Variants in TMEM184B observed in about 807,000 individuals in gnomAD.
The protein encoded by TMEM184B is transmembrane protein 184B.
In TMEM184B, 17 loss-of-function variants were observed where a neutral mutation model predicts 41.8. The observed-to-expected ratio is 0.41, with a 90% confidence interval of 0.28 to 0.61. The LOEUF is 0.61. Ranked by LOEUF, TMEM184B falls within the 20% of genes least tolerant of loss-of-function variation. The pLI is 0.34. For missense variants in TMEM184B, 393 were observed against 557.8 expected (o/e 0.70, Z 2.98); for synonymous variants, 240 against 229.5 (o/e 1.05, Z -0.41).
intron 8 of TMEM184B, chr22:38,222,542 G>A: frequency 1.0e-6 from 1 of 971,088 alleles, no homozygotes; most frequent in Non-Finnish European, 1.2e-6. Context: ...CGGTGGGGAG[G>A]AGATGAGGAC....
At chr22:38,265,309 C>T (rs1194178974) in intron 1 of TMEM184B, among the ~76,000 whole-genome samples, 1 of 152,202 alleles carries the variant, frequency 6.6e-6, no homozygotes, top group East Asian at 1.9e-4. Context: ...AGCTCACCCC[C>T]AGGCAGAGCC....
At position 38,226,934 on chromosome 22, in the gene TMEM184B, C is replaced by G; in HGVS notation, c.526-64G>C. 1 of 1,498,166 alleles carries G rather than the reference C, an allele frequency of 6.7e-7. No homozygotes were observed. 92.8% of individuals were successfully genotyped at this position (1,498,166 alleles called of 1,614,324 possible). A position where few individuals can be genotyped will look rare whatever the true frequency, so the allele number is the denominator to read the frequency against. On this transcript the variant is annotated intron_variant, in intron 5 of 8. Transcript: ENST00000361906. The surrounding 1 kb of genome is among the most constrained non-coding windows in gnomAD (Gnocchi z 4.6). ...CACAGAAGGCATGAAGCAAGCCCTG[C>G]CTCTGGCAGACGGAACTGTACCGGA... is the stretch of plus-strand genomic sequence containing the variant.
At chr22:38,268,374 CAA>C (rs34786032) in intron 1 of TMEM184B, among the ~76,000 whole-genome samples, 40 of 121,660 alleles carry the variant, frequency 3.3e-4, no homozygotes, top group Admixed American at 3.3e-4. Flanking sequence ...GACCCTGTCT[CAA>C]AAAAAAAAAA....
intron 1 of TMEM184B, among the ~76,000 whole-genome samples, chr22:38,270,796 C>T (rs759125300): frequency 2.6e-5 from 4 of 152,186 alleles, no homozygotes; most frequent in African/African-American, 7.2e-5. Context: ...AGGGAATTTA[C>T]AGAGAGAAAA....
Position 38,219,948 on chromosome 22 carries a change from C to A in TMEM184B, c.*1521G>T, listed in dbSNP as rs1052492114. 3.0e-6 allele frequency: 3 copies of A among 985,298 alleles called. No homozygotes were observed. Among genetic ancestry groups the A allele is most frequent in the Non-Finnish European group, 3.6e-6 (3 of 829,938 alleles). The allele number at this position is 985,298 out of a possible 1,614,324, so 61.0% of individuals were successfully genotyped here. A position where few individuals can be genotyped will look rare whatever the true frequency, so the allele number is the denominator to read the frequency against. On this transcript the variant is annotated 3_prime_UTR_variant, in exon 9 of 9. Coordinates refer to ENST00000361906, the MANE Select transcript of TMEM184B (RefSeq NM_012264.5). The stretch of plus-strand genomic sequence containing the variant: ...CCAGGAAGACGGCTGGGCCCCAACT[C>A]TCCTCACAGGTGGCAGGGAGGGAAC...
At chr22:38,231,556 C>G in intron 3 of TMEM184B, 1 of 669,700 alleles carries the variant, frequency 1.5e-6, no homozygotes, top group South Asian at 1.6e-5. Flanking sequence ...TATCTTATCC[C>G]GGGATGCACC....
chr22:38,250,770 G>A (rs573190078), intron 1 of TMEM184B, among the ~76,000 whole-genome samples: 2 of 152,272 alleles, frequency 1.3e-5, no homozygotes, highest in South Asian at 4.1e-4. Context: ...CCAGGCAGAG[G>A]GGCAACCCCA....
intron 1 of TMEM184B, among the ~76,000 whole-genome samples, chr22:38,249,297 C>T (rs1461368842): frequency 1.3e-5 from 2 of 152,240 alleles, no homozygotes; most frequent in East Asian, 1.9e-4. Context: ...TACAGGCGTG[C>T]GTCATCAAGC....
chr22:38,217,966 C>T (rs1208503325), downstream of TMEM184B, among the ~76,000 whole-genome samples: 4 of 152,092 alleles, frequency 2.6e-5, no homozygotes, highest in Non-Finnish European at 5.9e-5. Context: ...CAGACCCTGT[C>T]TCAAAAGAAG....
intron 1 of TMEM184B, among the ~76,000 whole-genome samples, chr22:38,263,362 C>A (rs894227285): frequency 1.3e-5 from 2 of 152,196 alleles, no homozygotes; most frequent in African/African-American, 4.8e-5. Flanking sequence ...TGGGCATAGA[C>A]AAGCAAAGAC....
At chr22:38,266,672 G>A (rs533206570) in intron 1 of TMEM184B, among the ~76,000 whole-genome samples, 45 of 152,304 alleles carry the variant, frequency 3.0e-4, no homozygotes, top group Non-Finnish European at 4.4e-4. Context: ...ATGAGATAAC[G>A]TGTGTTCATG....
downstream of TMEM184B, among the ~76,000 whole-genome samples, chr22:38,218,737 C>T (rs192412497): frequency 2.6e-5 from 4 of 152,332 alleles, no homozygotes; most frequent in East Asian, 1.9e-4. Flanking sequence ...TGCGGGAGGA[C>T]GCAGGCTATT....
chr22:38,219,779 A>G lies in TMEM184B; in HGVS notation c.*1690T>C. On this transcript the variant is annotated 3_prime_UTR_variant, in exon 9 of 9. Transcript: ENST00000361906. ...GCTTGGTGAAAGCAGATGGCGGGGC[A>G]GGGCCAGGGCTGGTCCTCAGCCTGT... The G allele has an allele frequency of 2.0e-6, 2 of 985,546 alleles. No individual in the cohort carries two copies. Among genetic ancestry groups the G allele is most frequent in the Non-Finnish European group, 2.4e-6 (2 of 830,000 alleles). The allele number at this position is 985,546 out of a possible 1,614,324, so 61.1% of individuals were successfully genotyped here.
intron 1 of TMEM184B, among the ~76,000 whole-genome samples, chr22:38,269,043 T>C (rs2092483637): frequency 6.6e-6 from 1 of 152,240 alleles, no homozygotes; most frequent in African/African-American, 2.4e-5. Context: ...TGAAGGAAAG[T>C]GAATCATTTG....
At chr22:38,231,423 A>G (rs117666793) in intron 3 of TMEM184B, 89 bp from the exon 4 acceptor site, 38,951 of 1,082,116 alleles carry the variant, frequency 0.036, 930 homozygotes, top group South Asian at 0.051. Context: ...GAGGTGAAAG[A>G]GCCACAGCTG....
intron 1 of TMEM184B, among the ~76,000 whole-genome samples, chr22:38,268,803 T>A (rs1000654345): frequency 2.0e-5 from 3 of 152,222 alleles, no homozygotes; most frequent in African/African-American, 7.2e-5. Context: ...CAATCATAAT[T>A]GCTTGTGTGT....
chr22:38,221,973 C>T, intron 8 of TMEM184B: 2 of 538,116 alleles, frequency 3.7e-6, no homozygotes, highest in Non-Finnish European at 6.6e-6. Context: ...GGGCTGGCTG[C>T]AGGGAAGGGA....
intron 3 of TMEM184B, among the ~76,000 whole-genome samples, chr22:38,241,461 A>G (rs2091904309): frequency 6.6e-6 from 1 of 150,990 alleles, no homozygotes; most frequent in Non-Finnish European, 1.5e-5. Flanking sequence ...GTCGAGGCGC[A>G]AGGATCATTT....
chr22:38,218,031 C>T (rs2091171600), downstream of TMEM184B, among the ~76,000 whole-genome samples: 1 of 152,068 alleles, frequency 6.6e-6, no homozygotes, highest in Admixed American at 6.6e-5. Context: ...GACAGTCCCA[C>T]CCAGAGAGGA....
Sources: allele counts gnomAD v4.1 joint callset (sites outside exome capture counted in the v4.1 genomes callset), GRCh38; gene constraint gnomAD v4.1.1; non-coding constraint Gnocchi (gnomAD v3.1); transcripts MANE v1.5; gene names NCBI Gene and HGNC (gene_info 2026-07-23, HGNC 2026-07-21).